Variants in FAR2 observed in about 807,000 individuals in gnomAD.
FAR2 encodes epididymis secretory protein Li 81.
Under a neutral mutation model 56.0 loss-of-function variants are expected in FAR2, and 19 were observed. The ratio of observed to expected loss-of-function variants is 0.34; its 90% CI spans 0.24 to 0.50. The LOEUF (loss-of-function observed/expected upper bound fraction) is 0.50, where lower values mean the gene tolerates loss of function less well. Among genes scored for constraint, FAR2 ranks in the 20% least tolerant of loss-of-function variants. The probability of loss-of-function intolerance (pLI) is 0.98; values close to 1 mark genes in which losing one functional copy is unlikely to be tolerated. For missense variants in FAR2, 508 were observed against 642.2 expected, an observed-to-expected ratio of 0.79 and a Z score of 2.26; for synonymous variants, 219 against 218.8, an observed-to-expected ratio of 1.00 and a Z score of -0.01.
chr12:29,292,311 GAA>G (rs1159448990), intron 2 of FAR2: 2 of 152,084 alleles, frequency 1.3e-5, no homozygotes, highest in African/African-American at 4.8e-5. Flanking sequence ...AGGCCAAAGT[GAA>G]AGAGTCCACA....
intron 1 of FAR2, among the ~76,000 whole-genome samples, chr12:29,183,264 C>A (rs935235101): frequency 1.3e-5 from 2 of 152,150 alleles, no homozygotes; most frequent in African/African-American, 4.8e-5. Context: ...TTTTAAGATT[C>A]CTCAACATTC....
chr12:29,208,039 T>A (rs7975191), intron 1 of FAR2, among the ~76,000 whole-genome samples: 1 of 152,066 alleles, frequency 6.6e-6, no homozygotes, highest in Non-Finnish European at 1.5e-5. Flanking sequence ...CCCATCCCTA[T>A]GAAATATGTT....
intron 1 of FAR2, among the ~76,000 whole-genome samples, chr12:29,173,657 A>T (rs1949909012): frequency 6.6e-6 from 1 of 152,132 alleles, no homozygotes; most frequent in Admixed American, 6.5e-5. Flanking sequence ...ATTGGTCCCA[A>T]TAGCTTAGGA....
At chr12:29,279,077 A>G (rs1948746107) in intron 2 of FAR2, among the ~76,000 whole-genome samples, 1 of 152,232 alleles carries the variant, frequency 6.6e-6, no homozygotes, top group Non-Finnish European at 1.5e-5. Context: ...TTTGTAACCC[A>G]TATGTCAGCT....
chr12:29,293,627 A>G (rs1166343082), intron 3 of FAR2, 152 bp downstream of exon 3: 3 of 575,344 alleles, frequency 5.2e-6, no homozygotes, highest in Non-Finnish European at 8.0e-6. Context: ...AGAAACAACC[A>G]TTTACTATTG....
rs141511704 is a variant in FAR2 at position 29,163,469 on chromosome 12, G to A, written c.-39+14062G>A. ...ACTGTAGTAGACAGAGAAGAGCAGT[G>A]ACCAGAACCCAGGAGTTCAGACTAT... On this transcript the variant is annotated intron_variant, in intron 1 of 11. Coordinates refer to ENST00000536681, the MANE Select transcript of FAR2 (RefSeq NM_001271783.2). 2.8e-4 allele frequency among the ~76,000 whole-genome samples: 43 copies of A among 152,300 alleles called. No homozygotes were observed. In the South Asian group the frequency reaches 8.7e-3, roughly 31 times the overall value.
At chr12:29,153,792 T>C (rs1949699892) in intron 1 of FAR2, among the ~76,000 whole-genome samples, 1 of 151,868 alleles carries the variant, frequency 6.6e-6, no homozygotes, top group Admixed American at 6.6e-5. Context: ...TGGTGATAGA[T>C]TGGATATGGG....
intron 2 of FAR2, chr12:29,280,395 A>C (rs554765502): frequency 7.2e-5 from 11 of 152,236 alleles, no homozygotes; most frequent in Non-Finnish European, 1.5e-4. Flanking sequence ...TTTCATTAGA[A>C]AGATATTTAA....
At chr12:29,170,484 T>C (rs1949874540) in intron 1 of FAR2, among the ~76,000 whole-genome samples, 3 of 152,258 alleles carry the variant, frequency 2.0e-5, no homozygotes, top group Admixed American at 6.5e-5. Context: ...TTATCAATTA[T>C]AGGTTTTAAA....
chr12:29,287,041 A>C (rs967576422), intron 2 of FAR2, among the ~76,000 whole-genome samples: 1 of 152,224 alleles, frequency 6.6e-6, no homozygotes, highest in Non-Finnish European at 1.5e-5. Context: ...TCAGAATTCA[A>C]ATATAATATT....
intron 1 of FAR2, among the ~76,000 whole-genome samples, chr12:29,227,714 T>TA (rs761364371): frequency 1.8e-4 from 28 of 152,278 alleles, no homozygotes; most frequent in Admixed American, 6.5e-4. Context: ...AAAATGTCGG[T>TA]AAAAGCAGCA....
At chr12:29,320,770 T>C (rs961256503) in intron 9 of FAR2, among the ~76,000 whole-genome samples, 4 of 152,212 alleles carry the variant, frequency 2.6e-5, no homozygotes, top group Non-Finnish European at 4.4e-5. Flanking sequence ...TAAGATTGTA[T>C]ATGAAAGTTT....
intron 10 of FAR2, 95 bp downstream of exon 10, chr12:29,322,019 T>C (rs1949561061): frequency 1.4e-6 from 2 of 1,409,152 alleles, no homozygotes; most frequent in Admixed American, 4.9e-5. Context: ...ATAAGACGTT[T>C]GGTTATAGAC....
chr12:29,247,987 T>G (rs1426070058), intron 1 of FAR2, among the ~76,000 whole-genome samples: 1 of 152,238 alleles, frequency 6.6e-6, no homozygotes, highest in Non-Finnish European at 1.5e-5. Flanking sequence ...AACTTTGAGT[T>G]ATTCATTTGA....
chr12:29,203,838 A>C (rs920485025), intron 1 of FAR2, among the ~76,000 whole-genome samples: 3 of 151,776 alleles, frequency 2.0e-5, no homozygotes, highest in African/African-American at 7.3e-5. Context: ...TCTCTACTAA[A>C]AATACAAAAA....
intron 1 of FAR2, among the ~76,000 whole-genome samples, chr12:29,236,148 C>A (rs1048500632): frequency 6.6e-6 from 1 of 152,130 alleles, no homozygotes; most frequent in Non-Finnish European, 1.5e-5. Flanking sequence ...AGAACTATCA[C>A]ACTGTACCCT....
In FAR2 at chr12:29,284,943, G is replaced by A. The variant is rs7136554; in HGVS notation, c.190-8357G>A. Among the ~76,000 whole-genome samples, 1,080 of 152,146 alleles carry A rather than the reference G, an allele frequency of 7.1e-3. 8 individuals are homozygous for A. Among genetic ancestry groups the A allele is most frequent in the African/African-American group, 0.025 (1,019 of 41,460 alleles). ...TGCAAGCTCCACCTCCCGGGTTCAC[G>A]CCATTCTCCTGCCTTAGCCTCCCGA... On this transcript the variant is annotated intron_variant, in intron 2 of 11. Coordinates refer to ENST00000536681, the MANE Select transcript of FAR2 (RefSeq NM_001271783.2).
chr12:29,203,999 C>CAGAAAAA (rs1947448602), intron 1 of FAR2, among the ~76,000 whole-genome samples: 1 of 68,116 alleles, frequency 1.5e-5, no homozygotes, highest in African/African-American at 6.8e-5. Context: ...GATTCCATCT[C>CAGAAAAA]AAAAAAAAAA....
chr12:29,309,315 A>T (rs1949307290), intron 6 of FAR2, 85 bp downstream of exon 6: 5 of 945,788 alleles, frequency 5.3e-6, no homozygotes, highest in Non-Finnish European at 6.6e-6. Context: ...AGCTTCATTG[A>T]TCCAAAAACA....
Sources: allele counts gnomAD v4.1 joint callset (sites outside exome capture counted in the v4.1 genomes callset), GRCh38; gene constraint gnomAD v4.1.1; transcripts MANE v1.5; gene names NCBI Gene and HGNC (gene_info 2026-07-23, HGNC 2026-07-21).